CNBD1: variants seen among roughly 807,000 people sequenced by gnomAD.
The protein encoded by CNBD1 is cyclic nucleotide binding domain containing 1.
Under a neutral mutation model 54.4 loss-of-function variants are expected in CNBD1, and 71 were observed. The ratio of observed to expected loss-of-function variants is 1.30; its 90% CI spans 1.08 to 1.59. The LOEUF is 1.59. CNBD1 is among the 40% of genes most tolerant of loss of function. The pLI is 0.00. For synonymous variants in CNBD1, 182 were observed against 170.7 expected (o/e 1.07, Z -0.51); for missense variants, 659 against 518.0 (o/e 1.27, Z -2.64).
intron 3 of CNBD1, among the ~76,000 whole-genome samples, chr8:86,936,106 T>G (rs1444066420): frequency 6.6e-6 from 1 of 152,026 alleles, no homozygotes; most frequent in Non-Finnish European, 1.5e-5. Flanking sequence ...GCCATTGCAC[T>G]CCATCCTGGG....
intron 10 of CNBD1, among the ~76,000 whole-genome samples, chr8:87,366,448 A>G (rs1810643706): frequency 6.6e-6 from 1 of 151,724 alleles, no homozygotes; most frequent in South Asian, 2.1e-4. Context: ...CCTTCTGCTG[A>G]CCCTCTCTCT....
intron 3 of CNBD1, among the ~76,000 whole-genome samples, chr8:86,921,204 G>A (rs758540201): frequency 2.0e-5 from 3 of 151,656 alleles, no homozygotes; most frequent in East Asian, 1.9e-4. Context: ...CTGGCCTCAG[G>A]ATAAATAATA....
Position 87,241,771 on chromosome 8 carries a change from AAC to A in CNBD1, c.771+4661_771+4662del, listed in dbSNP as rs535729869. On this transcript the variant is annotated intron_variant, in intron 6 of 10. Transcript: ENST00000518476. ...ATAGGATATCAATACCTATTAAAAA[AAC>A]AAAATGATACTTATTTGTGATCATT... 1.4e-4 allele frequency among the ~76,000 whole-genome samples: 21 copies of A among 152,308 alleles called. 1 individual carries two copies. The South Asian group carries it at 4.4e-3, about 32-fold the overall frequency.
intron 2 of CNBD1, among the ~76,000 whole-genome samples, chr8:87,425,290 T>C (rs1808025064): frequency 1.3e-5 from 2 of 152,190 alleles, no homozygotes; most frequent in African/African-American, 4.8e-5. Flanking sequence ...CTCAGAGTAA[T>C]TTGATCATCT....
intron 10 of CNBD1, among the ~76,000 whole-genome samples, chr8:87,360,681 A>C (rs1810508045): frequency 6.6e-6 from 1 of 151,992 alleles, no homozygotes; most frequent in South Asian, 2.1e-4. Flanking sequence ...TATCTATAAA[A>C]TGAATTACTG....
rs541189553 is a variant in CNBD1, at chr8:87,163,732, T to A, written c.432-42261T>A. Among the ~76,000 whole-genome samples, 19 of 152,042 alleles carry A rather than the reference T, an allele frequency of 1.2e-4. No individual in the cohort carries two copies. Among genetic ancestry groups the A allele is most frequent in the Admixed American group, 1.0e-3 (16 of 15,244 alleles). On this transcript the variant is annotated intron_variant, in intron 4 of 10. Transcript: ENST00000518476. This position sits in a 1 kb window ranked among gnomAD's most constrained non-coding sequence, Gnocchi z 4.5. ...TTGTTGGCGTCTTTAGGGTTTTTTT[T>A]AAATATAAGATTATGTCATCTGCAA...
At chr8:86,906,961 A>C (rs1809027181) in intron 3 of CNBD1, among the ~76,000 whole-genome samples, 1 of 152,246 alleles carries the variant, frequency 6.6e-6, no homozygotes, top group Non-Finnish European at 1.5e-5. Context: ...AGATTTGTTT[A>C]AGTGTCTGAA....
chr8:87,306,870 C>G (rs937226435), intron 8 of CNBD1, among the ~76,000 whole-genome samples: 13 of 152,132 alleles, frequency 8.5e-5, no homozygotes, highest in Non-Finnish European at 1.0e-4. Context: ...AGAACTTAAT[C>G]ATATAACCAA....
chr8:87,335,157 G>A (rs1282465100), intron 8 of CNBD1, among the ~76,000 whole-genome samples: 2 of 152,156 alleles, frequency 1.3e-5, no homozygotes, highest in Non-Finnish European at 2.9e-5. Context: ...GTGTCATGTG[G>A]CACTGAGAAT....
intron 5 of CNBD1, among the ~76,000 whole-genome samples, chr8:87,232,036 C>A (rs746623710): frequency 6.6e-6 from 1 of 151,990 alleles, no homozygotes; most frequent in Non-Finnish European, 1.5e-5. Flanking sequence ...CAGCATGTAC[C>A]CTTTTGTGAA....
At chr8:87,301,637 A>C (rs1199106461) in intron 8 of CNBD1, among the ~76,000 whole-genome samples, 1 of 152,024 alleles carries the variant, frequency 6.6e-6, no homozygotes, top group Non-Finnish European at 1.5e-5. Flanking sequence ...AAAAATCACA[A>C]CTAAGAGCAG....
chr8:87,413,359 T>A (rs886252685), intron 2 of CNBD1, among the ~76,000 whole-genome samples: 18 of 152,100 alleles, frequency 1.2e-4, no homozygotes, highest in Non-Finnish European at 2.4e-4. Flanking sequence ...CAAGTCTTCA[T>A]CCACTTAAAA....
intron 4 of CNBD1, among the ~76,000 whole-genome samples, chr8:87,179,303 G>A (rs967791567): frequency 1.3e-5 from 2 of 152,126 alleles, no homozygotes; most frequent in Non-Finnish European, 2.9e-5. Flanking sequence ...ATAAAATAAT[G>A]TATAGAATTC....
chr8:87,421,785 T>C (rs1319028471), intron 2 of CNBD1, among the ~76,000 whole-genome samples: 1 of 145,958 alleles, frequency 6.9e-6, no homozygotes, highest in Non-Finnish European at 1.5e-5. Flanking sequence ...TTTGGGTATA[T>C]ACCCAGTAAT....
At chr8:87,106,002 C>T (rs1467424166) in intron 4 of CNBD1, among the ~76,000 whole-genome samples, 1 of 152,108 alleles carries the variant, frequency 6.6e-6, no homozygotes, top group Non-Finnish European at 1.5e-5. Flanking sequence ...AAGTCATCAT[C>T]CTACAAAATA....
At chr8:87,107,737 G>A (rs1013713364) in intron 4 of CNBD1, among the ~76,000 whole-genome samples, 1 of 152,074 alleles carries the variant, frequency 6.6e-6, no homozygotes, top group Non-Finnish European at 1.5e-5. Flanking sequence ...AGTTGTCTAT[G>A]TATGCTGTGG....
intron 8 of CNBD1, among the ~76,000 whole-genome samples, chr8:87,305,664 C>G (rs1361584505): frequency 6.6e-6 from 1 of 152,038 alleles, no homozygotes; most frequent in Non-Finnish European, 1.5e-5. Flanking sequence ...GAAAGGAACC[C>G]TCTTCAACAA....
chr8:87,249,472 C>G (rs576808128), intron 6 of CNBD1, among the ~76,000 whole-genome samples: 1 of 152,056 alleles, frequency 6.6e-6, no homozygotes, highest in African/African-American at 2.4e-5. Context: ...TGTTTTTACC[C>G]CTTTATCTGT....
chr8:87,330,985 T>C (rs867330005), intron 8 of CNBD1, among the ~76,000 whole-genome samples: 1 of 152,198 alleles, frequency 6.6e-6, no homozygotes, highest in South Asian at 2.1e-4. Flanking sequence ...TTTATATCAT[T>C]GATATTCAAA....
Sources: gnomAD v4.1 joint callset for allele counts (sites outside exome capture counted in the v4.1 genomes callset) on GRCh38, gnomAD v4.1.1 for gene constraint, Gnocchi (gnomAD v3.1) non-coding constraint, MANE v1.5 for transcripts, NCBI Gene and HGNC (gene_info 2026-07-23, HGNC 2026-07-21) for gene names.